PIP5K1B: variants seen among roughly 807,000 people sequenced by gnomAD.
PIP5K1B encodes phosphatidylinositol-4-phosphate 5-kinase type 1 beta.
PIP5K1B carries 42 observed loss-of-function variants against 67.0 expected under a neutral mutation model. That is an observed-to-expected ratio of 0.63 (90% confidence interval 0.49 to 0.81). The LOEUF (loss-of-function observed/expected upper bound fraction) is 0.81. Ranked by LOEUF, PIP5K1B falls within the 30% of genes least tolerant of loss-of-function variation. The pLI is 0.00. For synonymous variants in PIP5K1B, 214 were observed against 231.4 expected, an observed-to-expected ratio of 0.92 and a Z score of 0.68; for missense variants, 459 against 646.3, an observed-to-expected ratio of 0.71 and a Z score of 3.14.
intron 14 of PIP5K1B, among the ~76,000 whole-genome samples, chr9:68,967,211 T>C (rs1429361225): frequency 6.6e-6 from 1 of 152,210 alleles, no homozygotes; most frequent in Non-Finnish European, 1.5e-5. Flanking sequence ...TCCCCACATA[T>C]TGTAGCTGGA....
At chr9:69,007,724 G>T (rs569716643) in intron 15 of PIP5K1B, among the ~76,000 whole-genome samples, 25 of 152,144 alleles carry the variant, frequency 1.6e-4, no homozygotes, top group Admixed American at 2.0e-4. Flanking sequence ...AGGCGTGATG[G>T]CAGGCAGCTG....
intron 4 of PIP5K1B, among the ~76,000 whole-genome samples, chr9:68,847,860 C>T (rs796118459): frequency 1.3e-4 from 20 of 152,292 alleles, no homozygotes; most frequent in African/African-American, 4.3e-4. Flanking sequence ...TGGAAACAGG[C>T]CCATGTAGCC....
chr9:68,898,899 C>G (rs1182538538), intron 8 of PIP5K1B, among the ~76,000 whole-genome samples: 2 of 152,214 alleles, frequency 1.3e-5, no homozygotes, highest in African/African-American at 4.8e-5. Flanking sequence ...CCATCACATC[C>G]CCACCACTGC....
intron 14 of PIP5K1B, among the ~76,000 whole-genome samples, chr9:68,978,978 C>T (rs990965238): frequency 6.6e-6 from 1 of 152,128 alleles, no homozygotes; most frequent in Non-Finnish European, 1.5e-5. Flanking sequence ...GTAGGGGTGT[C>T]GAAGGTTTCT....
At chr9:68,896,016 T>G (rs1405049699) in intron 8 of PIP5K1B, among the ~76,000 whole-genome samples, 1 of 152,194 alleles carries the variant, frequency 6.6e-6, no homozygotes, top group Non-Finnish European at 1.5e-5. Flanking sequence ...TTTTTAATTA[T>G]CTTTTCAGAA....
chr9:68,985,920 T>C (rs1026514579), intron 14 of PIP5K1B, among the ~76,000 whole-genome samples: 1 of 152,268 alleles, frequency 6.6e-6, no homozygotes, highest in Non-Finnish European at 1.5e-5. Flanking sequence ...CAAGGTTTCC[T>C]CATGTTGTTG....
rs150573555 is a variant in PIP5K1B, at chr9:68,832,349, A to G, written c.69+9666A>G. ...CTGTCACAGAAAGAGTCACAACTCA[A>G]TAATAATCTTCTCAATCACTTAAAA... On this transcript the variant is annotated intron_variant, in intron 4 of 15. Coordinates refer to ENST00000265382, the MANE Select transcript of PIP5K1B (RefSeq NM_003558.4). Among the ~76,000 whole-genome samples, 12 of 152,360 alleles carry G rather than the reference A, an allele frequency of 7.9e-5. No individual in the cohort carries two copies. In the East Asian group the frequency reaches 1.9e-3, roughly 24 times the overall value.
intron 2 of PIP5K1B, among the ~76,000 whole-genome samples, chr9:68,765,215 T>G (rs1830371828): frequency 6.6e-6 from 1 of 152,110 alleles, no homozygotes; most frequent in Non-Finnish European, 1.5e-5. Context: ...CTTCTAATTT[T>G]TAATATTTCA....
At chr9:68,925,323 A>G (rs1265158818) in intron 12 of PIP5K1B, among the ~76,000 whole-genome samples, 2 of 152,152 alleles carry the variant, frequency 1.3e-5, no homozygotes, top group Admixed American at 6.5e-5. Flanking sequence ...GCGCAGATAG[A>G]TTGTGCCACA....
chr9:68,723,281 A>G (rs1827982003), intron 1 of PIP5K1B, among the ~76,000 whole-genome samples: 2 of 152,196 alleles, frequency 1.3e-5, no homozygotes, highest in South Asian at 2.1e-4. Flanking sequence ...ACTATTGTGA[A>G]TAAATGCTGT....
At chr9:68,738,736 T>C (rs1166199613) in intron 1 of PIP5K1B, among the ~76,000 whole-genome samples, 1 of 152,208 alleles carries the variant, frequency 6.6e-6, no homozygotes, top group African/African-American at 2.4e-5. Flanking sequence ...AACAGACCCT[T>C]TCAGGCCCTC....
chr9:69,000,119 C>T (rs1248847891), intron 15 of PIP5K1B, among the ~76,000 whole-genome samples: 1 of 152,056 alleles, frequency 6.6e-6, no homozygotes. Flanking sequence ...CCATCAAGGC[C>T]AGTTCTGCTT....
At chr9:69,004,077 G>A (rs1386989725) in intron 15 of PIP5K1B, among the ~76,000 whole-genome samples, 2 of 152,144 alleles carry the variant, frequency 1.3e-5, no homozygotes, top group African/African-American at 4.8e-5. Flanking sequence ...ATACTATTGT[G>A]TAGTTTCAAT....
At chr9:68,988,444 GTTTTTTTTTTTT>G (rs61373302) in intron 14 of PIP5K1B, among the ~76,000 whole-genome samples, 44,030 of 112,544 alleles carry the variant, frequency 0.39, 7,514 homozygotes, top group African/African-American at 0.47. Context: ...TTTTTTTGGG[GTTTTTTTTTTTT>G]TTTTTTTTTT....
intron 14 of PIP5K1B, chr9:68,965,687 G>A (rs746509495): frequency 6.6e-6 from 1 of 152,036 alleles, no homozygotes; most frequent in Non-Finnish European, 1.5e-5. Flanking sequence ...AAAAGGCAGC[G>A]GGGCGCAGCG....
chr9:68,884,526 T>C (rs968213055), intron 6 of PIP5K1B, among the ~76,000 whole-genome samples: 1 of 151,914 alleles, frequency 6.6e-6, no homozygotes, highest in African/African-American at 2.4e-5. Context: ...TATTCGGGCA[T>C]GGTGGCACGT....
intron 2 of PIP5K1B, among the ~76,000 whole-genome samples, chr9:68,754,810 A>C (rs1158571544): frequency 1.3e-5 from 2 of 152,210 alleles, no homozygotes; most frequent in African/African-American, 2.4e-5. Flanking sequence ...TCTGATTTTA[A>C]AGAGAATGTC....
intron 2 of PIP5K1B, among the ~76,000 whole-genome samples, chr9:68,749,417 AC>A (rs1829504156): frequency 6.6e-6 from 1 of 152,120 alleles, no homozygotes; most frequent in African/African-American, 2.4e-5. Context: ...AGAGAGCATG[AC>A]CCTGCCAGCA....
intron 2 of PIP5K1B, among the ~76,000 whole-genome samples, chr9:68,805,062 T>A (rs1832795904): frequency 6.6e-6 from 1 of 152,200 alleles, no homozygotes; most frequent in South Asian, 2.1e-4. Context: ...TTCAAGGAAG[T>A]CCTCAGGGGG....
Sources: allele counts gnomAD v4.1 joint callset (sites outside exome capture counted in the v4.1 genomes callset), GRCh38; gene constraint gnomAD v4.1.1; transcripts MANE v1.5; gene names NCBI Gene and HGNC (gene_info 2026-07-23, HGNC 2026-07-21).